The following STAC variants were observed in gnomAD, a reference collection of about 807,000 sequenced individuals.
STAC encodes the protein SH3 and cysteine-rich domain-containing protein.
A neutral mutation model predicts 48.8 loss-of-function variants in STAC; 43 were observed. The ratio of observed to expected loss-of-function variants is 0.88; its 90% CI spans 0.69 to 1.14. The LOEUF is 1.14. Ranked by LOEUF, STAC falls within the 50% of genes most tolerant of loss-of-function variation. STAC has a pLI of 0.00. For missense variants in STAC, 497 were observed against 504.0 expected (o/e 0.99, Z 0.13); for synonymous variants, 193 against 179.5 (o/e 1.07, Z -0.60).
At chr3:36,509,374 T>C (rs1698480985) in intron 8 of STAC, among the ~76,000 whole-genome samples, 1 of 152,172 alleles carries the variant, frequency 6.6e-6, no homozygotes. Flanking sequence ...CTGACGATTA[T>C]GTGTCTTGGG....
In STAC at chr3:36,443,794, T is replaced by C. The variant is rs1696428318; in HGVS notation, c.388+154T>C. Among the ~76,000 whole-genome samples the C allele has an allele frequency of 6.6e-6, 1 of 152,110 alleles. No homozygotes were observed. Among genetic ancestry groups the C allele is most frequent in the South Asian group, 2.1e-4 (1 of 4,834 alleles). ...CAGGAGTGCTTTGGGGAACAATATT[T>C]GTGAGAAGGTAAGGGAAGCAGCACT... On this transcript the variant is annotated intron_variant, in intron 2 of 10. Transcript: ENST00000273183. This position sits in a 1 kb window ranked among gnomAD's most constrained non-coding sequence, Gnocchi z 4.2.
intron 8 of STAC, among the ~76,000 whole-genome samples, chr3:36,508,420 T>C (rs1698456657): frequency 6.6e-6 from 1 of 152,212 alleles, no homozygotes; most frequent in Admixed American, 6.5e-5. Context: ...GAGAGTTCTG[T>C]AGATGTCTAT....
At position 36,398,632 on chromosome 3, in the gene STAC, G is replaced by GAA. The variant is rs1407882545; in HGVS notation, c.111+17879_111+17880insAA. Among the ~76,000 whole-genome samples the GAA allele has an allele frequency of 7.9e-5, 7 of 88,978 alleles. No individual in the cohort carries two copies. In the East Asian group the frequency reaches 1.0e-3, roughly 13 times the overall value. The allele number at this position is 88,978 out of a possible 152,430, so 58.4% of individuals were successfully genotyped here. ...AGGAGGGAAGGAAGAGAAAAAGAGA[G>GAA]AGAAAGAAAGAAAGAAAGAGAAAGA... On this transcript the variant is annotated intron_variant, in intron 1 of 10. Coordinates refer to ENST00000273183, the MANE Select transcript of STAC (RefSeq NM_003149.3).
At chr3:36,398,343 GAAA>G (rs1699902718) in intron 1 of STAC, among the ~76,000 whole-genome samples, 1 of 133,286 alleles carries the variant, frequency 7.5e-6, no homozygotes, top group African/African-American at 2.9e-5. Flanking sequence ...AAGAAAGAAA[GAAA>G]GAAAGAAAGA....
intron 2 of STAC, among the ~76,000 whole-genome samples, chr3:36,457,037 G>T (rs1158841771): frequency 1.3e-5 from 2 of 152,108 alleles, no homozygotes; most frequent in African/African-American, 4.8e-5. Flanking sequence ...GAAGAATTAC[G>T]ATCATGCTGC....
At chr3:36,453,839 TC>T (rs1395506502) in intron 2 of STAC, among the ~76,000 whole-genome samples, 1 of 152,148 alleles carries the variant, frequency 6.6e-6, no homozygotes, top group Non-Finnish European at 1.5e-5. Context: ...GCACTCTGCA[TC>T]TAGCTCAAGG....
intron 8 of STAC, among the ~76,000 whole-genome samples, chr3:36,522,996 GCAGA>G (rs1366930140): frequency 6.6e-6 from 1 of 152,246 alleles, no homozygotes; most frequent in East Asian, 1.9e-4. Context: ...CTGAGTCCCT[GCAGA>G]CAGTTTACCT....
intron 5 of STAC, among the ~76,000 whole-genome samples, chr3:36,491,928 C>T (rs1259284932): frequency 3.6e-5 from 5 of 138,258 alleles, no homozygotes; most frequent in African/African-American, 1.4e-4. Context: ...GCACAAGAAT[C>T]GCTTGAACCC....
chr3:36,412,338 T>C (rs190952854), intron 1 of STAC, among the ~76,000 whole-genome samples: 22 of 152,330 alleles, frequency 1.4e-4, no homozygotes, highest in Middle Eastern at 6.8e-3. Flanking sequence ...TCGAGAAATC[T>C]ACATTGGATG....
intron 1 of STAC, among the ~76,000 whole-genome samples, chr3:36,427,926 C>T (rs1174750978): frequency 2.6e-5 from 4 of 152,142 alleles, no homozygotes; most frequent in African/African-American, 9.7e-5. Flanking sequence ...AGCAAGCCCA[C>T]ACTGAGGAAC....
chr3:36,504,225 A>T (rs774157977), intron 6 of STAC, among the ~76,000 whole-genome samples, 168 bp from the exon 7 acceptor site: 45 of 152,252 alleles, frequency 3.0e-4, no homozygotes, highest in Non-Finnish European at 4.7e-4. Flanking sequence ...GCAGGAGAAG[A>T]GACATGTGGA....
In STAC at chr3:36,484,986, T is replaced by A. The variant is rs1697763761; in HGVS notation, c.499T>A (p.Phe167Ile). The change falls in exon 4 of 11, where the codon TTT becomes ATT. Residue 167 changes from phenylalanine to isoleucine, a missense_variant. By Grantham distance (21) the Phe-to-Ile change is conservative (BLOSUM62 0). Transcript: ENST00000273183. Reference sequence around the variant, plus strand: ...CTCATTCTCTCTCCAGCCAAAGGGGTTTCGGCGTTACTACAGCTCCCCCTT... The same window carrying A: ...CTCATTCTCTCTCCAGCCAAAGGGGATTCGGCGTTACTACAGCTCCCCCTT... Reference protein sequence around the residue: ...QRCMGKLPKGFRRYYSSPLLI... With the variant: ...QRCMGKLPKGIRRYYSSPLLI... 6.2e-7 allele frequency: 1 copy of A among 1,600,230 alleles called. No homozygotes were observed. The highest frequency in any genetic ancestry group is 1.3e-5 in the African/African-American group (1 of 74,490).
chr3:36,451,670 T>C (rs1464998340), intron 2 of STAC, among the ~76,000 whole-genome samples: 1 of 152,214 alleles, frequency 6.6e-6, no homozygotes, highest in East Asian at 1.9e-4. Context: ...ATGTGTTATT[T>C]TGATACATGC....
chr3:36,534,521 C>T (rs1186874446), intron 10 of STAC, among the ~76,000 whole-genome samples: 1 of 151,978 alleles, frequency 6.6e-6, no homozygotes, highest in Non-Finnish European at 1.5e-5. Flanking sequence ...AAATGCAATG[C>T]ACATCTTTGA....
chr3:36,380,733 C>T lies in STAC; in HGVS notation c.90C>T (p.Ser30=). The T allele has an allele frequency of 1.9e-6, 3 of 1,611,560 alleles. No individual in the cohort carries two copies. The highest frequency in any genetic ancestry group is 1.3e-5 in the African/African-American group (1 of 74,994). Residue 30 remains serine, a synonymous_variant, in exon 1 of 11, where the codon TCC becomes TCT. Transcript: ENST00000273183. ...VGAEQPPSPA[S]TSSQESKLQK... is the part of the protein sequence containing the mutation. ...CCGAGCAACCGCCCTCTCCTGCATC[C>T]ACCAGCAGCCAGGAATCCAAGGTAC...
intron 10 of STAC, among the ~76,000 whole-genome samples, chr3:36,534,470 G>T (rs1490865277): frequency 4.0e-5 from 6 of 151,898 alleles, no homozygotes; most frequent in South Asian, 2.1e-4. Flanking sequence ...AGAGACAAAT[G>T]GACATTAACA....
intron 8 of STAC, among the ~76,000 whole-genome samples, chr3:36,526,046 C>T (rs943303395): frequency 6.6e-6 from 1 of 152,018 alleles, no homozygotes; most frequent in Non-Finnish European, 1.5e-5. Context: ...AAGAGAGAAC[C>T]AGAAATCTTG....
chr3:36,532,547 C>A (rs760575589), intron 10 of STAC, among the ~76,000 whole-genome samples: 11 of 152,278 alleles, frequency 7.2e-5, no homozygotes, highest in African/African-American at 1.7e-4. Flanking sequence ...TATCACTTGC[C>A]TGCACACTCC....
chr3:36,451,165 G>A (rs985919771), intron 2 of STAC, among the ~76,000 whole-genome samples: 26 of 152,142 alleles, frequency 1.7e-4, no homozygotes, highest in African/African-American at 5.8e-4. Flanking sequence ...TGTGGTTTCT[G>A]TGTTCTTTCT....
Sources: allele counts gnomAD v4.1 joint callset (sites outside exome capture counted in the v4.1 genomes callset), GRCh38; gene constraint gnomAD v4.1.1; non-coding constraint Gnocchi (gnomAD v3.1); transcripts MANE v1.5; gene names NCBI Gene and HGNC (gene_info 2026-07-23, HGNC 2026-07-21).